The following TMEM135 variants were observed in gnomAD, a reference collection of about 807,000 sequenced individuals.
The protein encoded by TMEM135 is transmembrane protein 135.
A neutral mutation model predicts 60.3 loss-of-function variants in TMEM135; 30 were observed. The observed-to-expected ratio is 0.50, with a 90% confidence interval of 0.37 to 0.68. The LOEUF (loss-of-function observed/expected upper bound fraction) is 0.68. Ranked by LOEUF, TMEM135 falls within the 30% of genes least tolerant of loss-of-function variation. TMEM135 has a pLI of 0.00. For missense variants in TMEM135, 468 were observed against 548.8 expected (o/e 0.85, Z 1.47); for synonymous variants, 190 against 186.7 (o/e 1.02, Z -0.14).
chr11:87,063,980 TA>T (rs1307004627), intron 1 of TMEM135, among the ~76,000 whole-genome samples: 3 of 152,206 alleles, frequency 2.0e-5, no homozygotes, highest in African/African-American at 7.2e-5. Context: ...ATTGCTGAGT[TA>T]TGGGGTAGAC....
At chr11:87,150,226 A>AAG (rs2135257884) in intron 4 of TMEM135, among the ~76,000 whole-genome samples, 1 of 151,698 alleles carries the variant, frequency 6.6e-6, no homozygotes, top group African/African-American at 2.4e-5. Flanking sequence ...AAAAAAAAAA[A>AAG]AAAAAAAAAG....
At chr11:87,075,904 C>A (rs61566230) in intron 3 of TMEM135, among the ~76,000 whole-genome samples, 4 of 150,344 alleles carry the variant, frequency 2.7e-5, no homozygotes, top group East Asian at 4.0e-4. Flanking sequence ...CTCTCTCTCT[C>A]TGTGTGCTGA....
At chr11:87,137,970 C>G (rs993671506) in intron 4 of TMEM135, among the ~76,000 whole-genome samples, 10 of 151,956 alleles carry the variant, frequency 6.6e-5, no homozygotes, top group Non-Finnish European at 1.5e-4. Context: ...AAGTAACATA[C>G]TGTTACTTCT....
At chr11:87,235,830 G>C (rs1277072202) in intron 5 of TMEM135, among the ~76,000 whole-genome samples, 1 of 151,832 alleles carries the variant, frequency 6.6e-6, no homozygotes, top group African/African-American at 2.4e-5. Context: ...TTAATATGTT[G>C]TGTTTACTGT....
intron 6 of TMEM135, chr11:87,277,529 G>GTT (rs71043606): frequency 4.3e-4 from 65 of 151,588 alleles, no homozygotes; most frequent in Middle Eastern, 3.2e-3. Flanking sequence ...TTTGTTTTTT[G>GTT]TTTTTTTTTG....
At chr11:87,215,991 AAGAG>A (rs1403005562) in intron 5 of TMEM135, among the ~76,000 whole-genome samples, 4 of 152,266 alleles carry the variant, frequency 2.6e-5, no homozygotes, top group Middle Eastern at 3.4e-3. Context: ...ATGAGAGAGA[AAGAG>A]AGAGAGACCA....
At position 87,323,718 on chromosome 11, in the gene TMEM135, G is replaced by A. The variant is rs1162654058; in HGVS notation, c.*2385G>A. The A allele has an allele frequency of 2.0e-5, 9 of 453,454 alleles. No individual in the cohort carries two copies. The highest frequency in any genetic ancestry group is 4.0e-5 in the Non-Finnish European group (9 of 226,666). The allele number at this position is 453,454 out of a possible 1,614,324, so 28.1% of individuals were successfully genotyped here. On this transcript the variant is annotated 3_prime_UTR_variant, in exon 15 of 15. Transcript: ENST00000305494. The stretch of plus-strand genomic sequence containing the variant: ...TATTTTCTGTTTTAATAAAATCCTA[G>A]AACTAGTAGCAACCGAGTAAAGATT...
At chr11:87,238,159 G>A (rs894689866) in intron 6 of TMEM135, among the ~76,000 whole-genome samples, 1 of 151,666 alleles carries the variant, frequency 6.6e-6, no homozygotes, top group East Asian at 1.9e-4. Context: ...ATATTGATTT[G>A]CTTTATTTTG....
chr11:87,285,581 G>A (rs891786521), intron 6 of TMEM135, among the ~76,000 whole-genome samples: 1 of 152,314 alleles, frequency 6.6e-6, no homozygotes, highest in African/African-American at 2.4e-5. Context: ...CCACCTGTTG[G>A]GTTCATGGTC....
rs1942895752 is a variant in TMEM135, at chr11:87,325,251, A to G, written c.*3918A>G. The G allele has an allele frequency of 2.2e-6, 1 of 453,972 alleles. No individual in the cohort carries two copies. The highest frequency in any genetic ancestry group is 1.6e-5 in the South Asian group (1 of 64,486). 28.1% of individuals were successfully genotyped at this position (453,972 alleles called of 1,614,324 possible). On this transcript the variant is annotated 3_prime_UTR_variant, in exon 15 of 15. Transcript: ENST00000305494. ...TTGCAAAAAGGGTAACTACAAAGAA[A>G]TGAAACTGACTCTAGTGTGTGTGAC...
Position 87,326,157 on chromosome 11 carries a change from G to A in TMEM135, c.*4824G>A, listed in dbSNP as rs1942909673. On this transcript the variant is annotated 3_prime_UTR_variant, in exon 15 of 15. Transcript: ENST00000305494. ...ACCCCCAGCCTGCTGCCTCTGCAGA[G>A]CATAACATTCTAATCTTGTCAGACC... The A allele has an allele frequency of 4.4e-6, 2 of 453,662 alleles. No individual in the cohort carries two copies. The highest frequency in any genetic ancestry group is 7.0e-5 in the East Asian group (1 of 14,372). The allele number at this position is 453,662 out of a possible 1,614,324, so 28.1% of individuals were successfully genotyped here. A position where few individuals can be genotyped will look rare whatever the true frequency, so the allele number is the denominator to read the frequency against.
chr11:87,046,300 A>G (rs1590976323), intron 1 of TMEM135, among the ~76,000 whole-genome samples: 2 of 152,338 alleles, frequency 1.3e-5, no homozygotes, highest in South Asian at 4.1e-4. Flanking sequence ...GCTACTTGGG[A>G]GACTGAGGCA....
At chr11:87,129,583 C>T (rs1937853878) in intron 4 of TMEM135, among the ~76,000 whole-genome samples, 1 of 141,108 alleles carries the variant, frequency 7.1e-6, no homozygotes, top group South Asian at 2.2e-4. Context: ...CTCTGTCACC[C>T]AGGCTGGAGT....
At chr11:87,303,948 T>C (rs1942490774) in intron 8 of TMEM135, among the ~76,000 whole-genome samples, 1 of 152,168 alleles carries the variant, frequency 6.6e-6, no homozygotes, top group African/African-American at 2.4e-5. Context: ...TGAAAGTGGA[T>C]GCAGAATACT....
chr11:87,146,173 A>G (rs1938409622), intron 4 of TMEM135, among the ~76,000 whole-genome samples: 1 of 152,142 alleles, frequency 6.6e-6, no homozygotes, highest in South Asian at 2.1e-4. Flanking sequence ...AGCACTATTT[A>G]TTGAAGACAC....
Position 87,202,287 on chromosome 11 carries a change from A to G in TMEM135, c.463-34351A>G, listed in dbSNP as rs562306966. Among the ~76,000 whole-genome samples the G allele has an allele frequency of 2.6e-5, 4 of 152,130 alleles. No homozygotes were observed. In the South Asian group the frequency reaches 6.2e-4, roughly 24 times the overall value. ...GTGATCCACCCACCTCGACCTCCCA[A>G]AGTTTTGGGATTACAGGCGTAAGCC... On this transcript the variant is annotated intron_variant, in intron 5 of 14. Transcript: ENST00000305494.
intron 1 of TMEM135, among the ~76,000 whole-genome samples, chr11:87,067,418 A>C (rs1856687595): frequency 6.6e-6 from 1 of 151,798 alleles, no homozygotes; most frequent in African/African-American, 2.4e-5. Context: ...TTCAGTTTAA[A>C]ATTGTTTTAA....
At chr11:87,148,346 G>A (rs556671693) in intron 4 of TMEM135, among the ~76,000 whole-genome samples, 20 of 152,128 alleles carry the variant, frequency 1.3e-4, no homozygotes, top group Non-Finnish European at 2.2e-4. Context: ...TAGAAACAAA[G>A]GAAGCTTAGC....
At chr11:87,280,436 T>C (rs1325324292) in intron 6 of TMEM135, among the ~76,000 whole-genome samples, 2 of 152,212 alleles carry the variant, frequency 1.3e-5, no homozygotes. Flanking sequence ...TTGGTTTCCA[T>C]GTCTCTGTGT....
Sources: gnomAD v4.1 joint callset for allele counts (sites outside exome capture counted in the v4.1 genomes callset) on GRCh38, gnomAD v4.1.1 for gene constraint, MANE v1.5 for transcripts, NCBI Gene and HGNC (gene_info 2026-07-23, HGNC 2026-07-21) for gene names.